POLR2F: variants seen among roughly 807,000 people sequenced by gnomAD.
POLR2F encodes RNA polymerase II, I and III subunit F.
Under a neutral mutation model 22.7 loss-of-function variants are expected in POLR2F, and 12 were observed. That is an observed-to-expected ratio of 0.53 (90% CI 0.34 to 0.86). The LOEUF is 0.86. Among genes scored for constraint, POLR2F ranks in the 40% least tolerant of loss-of-function variants. POLR2F has a pLI of 0.02. For missense variants in POLR2F, 126 were observed against 171.5 expected (o/e 0.73, Z 1.48); for synonymous variants, 57 against 66.0 (o/e 0.86, Z 0.66).
At chr22:37,961,924 T>C (rs1931659161) in intron 3 of POLR2F, among the ~76,000 whole-genome samples, 1 of 151,702 alleles carries the variant, frequency 6.6e-6, no homozygotes, top group Non-Finnish European at 1.5e-5. Context: ...TAGGGAATAA[T>C]GGAAATTAGC....
chr22:38,039,770 C>T (rs2085153738), intron 5 of POLR2F, among the ~76,000 whole-genome samples: 1 of 152,154 alleles, frequency 6.6e-6, no homozygotes, highest in Admixed American at 6.5e-5. Flanking sequence ...GACGGGGTGG[C>T]GGGCAGGGGC....
chr22:37,970,155 G>A (rs186443135), downstream of POLR2F, among the ~76,000 whole-genome samples: 343 of 152,224 alleles, frequency 2.3e-3, 1 homozygote, highest in Middle Eastern at 0.01. Context: ...TTAGCCAGGT[G>A]TGGTGGCGGG....
chr22:38,005,059 A>G (rs1387971929), intron 1 of POLR2F, among the ~76,000 whole-genome samples: 1 of 152,248 alleles, frequency 6.6e-6, no homozygotes. Context: ...CAGGGCATGT[A>G]TGGATTCTGC....
intron 3 of POLR2F, 75 bp from the exon 4 acceptor site, chr22:37,967,024 G>A (rs1046885255): frequency 1.6e-5 from 18 of 1,098,834 alleles, no homozygotes; most frequent in South Asian, 1.6e-4. Context: ...CCAGGATGCC[G>A]TTCCACCCTC....
upstream of POLR2F, among the ~76,000 whole-genome samples, chr22:37,981,460 G>A (rs1039690668): frequency 6.6e-6 from 1 of 152,236 alleles, no homozygotes; most frequent in African/African-American, 2.4e-5. Context: ...TGTGCACACA[G>A]CTTGAGTGAT....
chr22:37,969,229 T>G lies in POLR2F; in HGVS notation c.*1514T>G, dbSNP rs1931973278. On this transcript the variant is annotated 3_prime_UTR_variant, in exon 5 of 5. Coordinates refer to ENST00000442738, the MANE Select transcript of POLR2F (RefSeq NM_021974.5). ...TTTTCCTCCTGTCTTCCTCTTCCCA[T>G]TCTCCTCTTTTGGGGAGTCCCCTGC... 1 of 985,222 alleles carries G rather than the reference T, an allele frequency of 1.0e-6. No individual in the cohort carries two copies. Among genetic ancestry groups the G allele is most frequent in the Non-Finnish European group, 1.2e-6 (1 of 829,874 alleles). 61.0% of individuals were successfully genotyped at this position (985,222 alleles called of 1,614,324 possible). A position where few individuals can be genotyped will look rare whatever the true frequency, so the allele number is the denominator to read the frequency against.
intron 5 of POLR2F, among the ~76,000 whole-genome samples, chr22:38,038,575 C>T (rs939555645): frequency 1.3e-5 from 2 of 152,166 alleles, no homozygotes; most frequent in Admixed American, 6.5e-5. Context: ...CCCTTGCGCC[C>T]GCGCCCATGG....
intron 5 of POLR2F, chr22:38,040,926 G>T (rs2085166018): frequency 7.2e-7 from 1 of 1,384,710 alleles, no homozygotes. Context: ...GACAGGAGTG[G>T]TCAAGTCAGC....
chr22:38,018,986 G>A (rs1040588342), intron 1 of POLR2F, among the ~76,000 whole-genome samples: 10 of 152,134 alleles, frequency 6.6e-5, no homozygotes, highest in African/African-American at 2.4e-4. Context: ...AGAAGATCCT[G>A]GGGATGCTTT....
chr22:38,000,819 C>T (rs1241192884), intron 1 of POLR2F, among the ~76,000 whole-genome samples: 1 of 152,226 alleles, frequency 6.6e-6, no homozygotes, highest in Non-Finnish European at 1.5e-5. Flanking sequence ...GACCCACCAA[C>T]TCTGCTGTGG....
At position 37,968,053 on chromosome 22, in the gene POLR2F, C is replaced by T; in HGVS notation, c.*338C>T. On this transcript the variant is annotated 3_prime_UTR_variant, in exon 5 of 5. Transcript: ENST00000442738. ...CAGACAAGTCTTTGTGCCCAGGGAG[C>T]TGGTTGCCACGGAAACCCCCAATTT... is the stretch of plus-strand genomic sequence containing the variant. 9.8e-7 allele frequency: 1 copy of T among 1,016,216 alleles called. No homozygotes were observed. Among genetic ancestry groups the T allele is most frequent in the Non-Finnish European group, 1.2e-6 (1 of 849,316 alleles). The allele number at this position is 1,016,216 out of a possible 1,614,324, so 62.9% of individuals were successfully genotyped here.
At chr22:37,995,466 C>T (rs547397441) in intron 1 of POLR2F, among the ~76,000 whole-genome samples, 69 of 152,306 alleles carry the variant, frequency 4.5e-4, no homozygotes, top group African/African-American at 1.1e-3. Context: ...TCTCTCGACC[C>T]TCCAGTACCA....
chr22:37,983,922 C>T (rs1385144978), upstream of POLR2F: 11 of 637,846 alleles, frequency 1.7e-5, no homozygotes, highest in Admixed American at 3.0e-4. This position sits in a 1 kb window ranked among gnomAD's most constrained non-coding sequence, Gnocchi z 9.5. Flanking sequence ...CCGAGGGCGG[C>T]CCGAGACAGG....
downstream of POLR2F, chr22:38,041,186 C>T: frequency 6.2e-7 from 1 of 1,600,484 alleles, no homozygotes; most frequent in Non-Finnish European, 8.5e-7. Flanking sequence ...GGGGACTGGT[C>T]AAGGCGGCCG....
chr22:37,986,648 C>T lies in POLR2F; in HGVS notation c.120+336C>T. On this transcript the variant is annotated intron_variant, in intron 1 of 2. Transcript: ENST00000333418. This position sits in a 1 kb window ranked among gnomAD's most constrained non-coding sequence, Gnocchi z 4.7. ...CCCCGCACAGACACTGCCTTCCTCT[C>T]AGGGCTGTGCTGGGCTTTTTGCTGA... 2 of 618,018 alleles carry T rather than the reference C, an allele frequency of 3.2e-6. No individual in the cohort carries two copies. The highest frequency in any genetic ancestry group is 6.0e-6 in the Non-Finnish European group (2 of 332,750). The allele number at this position is 618,018 out of a possible 1,614,324, so 38.3% of individuals were successfully genotyped here.
At chr22:37,963,627 A>G (rs967506439) in intron 3 of POLR2F, among the ~76,000 whole-genome samples, 1 of 152,200 alleles carries the variant, frequency 6.6e-6, no homozygotes, top group Admixed American at 6.5e-5. Context: ...GGGATAGGAC[A>G]TTTCTGTCAT....
intron 1 of POLR2F, among the ~76,000 whole-genome samples, chr22:38,024,528 A>G (rs1219843428): frequency 6.6e-6 from 1 of 152,068 alleles, no homozygotes; most frequent in Non-Finnish European, 1.5e-5. Flanking sequence ...GCATGCTGAG[A>G]GGACTGTAAC....
intron 5 of POLR2F, among the ~76,000 whole-genome samples, chr22:38,037,596 CTTT>C (rs34521431): frequency 6.4e-5 from 9 of 140,666 alleles, no homozygotes; most frequent in Admixed American, 1.4e-4. Flanking sequence ...TTCCTATCTC[CTTT>C]TTTTTTTTTT....
chr22:37,980,593 C>T lies in POLR2F; in HGVS notation c.293+13423C>T, dbSNP rs1214930706. ...CCTCCACCCCAACCCCAAGCCCAGC[C>T]TGCCCACCATGTAAACCCAATCTCC... is the stretch of plus-strand genomic sequence containing the variant. On this transcript the variant is annotated intron_variant, in intron 4 of 4. Coordinates refer to the POLR2F transcript ENST00000405557. This position sits in a 1 kb window ranked among gnomAD's most constrained non-coding sequence, Gnocchi z 4.1. Among the ~76,000 whole-genome samples, 1 of 152,184 alleles carries T rather than the reference C, an allele frequency of 6.6e-6. No homozygotes were observed. The highest frequency in any genetic ancestry group is 2.4e-5 in the African/African-American group (1 of 41,454).
Sources: gnomAD v4.1 joint callset for allele counts (sites outside exome capture counted in the v4.1 genomes callset) on GRCh38, gnomAD v4.1.1 for gene constraint, Gnocchi (gnomAD v3.1) non-coding constraint, MANE v1.5 for transcripts, NCBI Gene and HGNC (gene_info 2026-07-23, HGNC 2026-07-21) for gene names.